The following DOCK3 variants were observed in gnomAD, a reference collection of about 807,000 sequenced individuals.
DOCK3 encodes dedicator of cytokinesis 3, also known as dedicator of cytokinesis protein 3.
In DOCK3, 60 loss-of-function variants were observed where a neutral mutation model predicts 265.6. The ratio of observed to expected loss-of-function variants is 0.23; its 90% confidence interval spans 0.18 to 0.28. The LOEUF is 0.28. Among genes scored for constraint, DOCK3 ranks in the 10% least tolerant of loss-of-function variants. The probability of loss-of-function intolerance (pLI) is 1.00; values close to 1 mark genes in which losing one functional copy is unlikely to be tolerated. For synonymous variants in DOCK3, 881 were observed against 938.0 expected, an observed-to-expected ratio of 0.94 and a Z score of 1.11; for missense variants, 1,981 against 2,594.3, an observed-to-expected ratio of 0.76 and a Z score of 5.14.
chr3:50,731,515 C>G (rs184637815), intron 1 of DOCK3, among the ~76,000 whole-genome samples: 4 of 152,188 alleles, frequency 2.6e-5, no homozygotes, highest in African/African-American at 9.6e-5. Flanking sequence ...AATCTCTATA[C>G]CTTTTTCTTA....
chr3:51,321,997 C>T lies in DOCK3; in HGVS notation c.3402+6869C>T, dbSNP rs547143048. On this transcript the variant is annotated intron_variant, in intron 32 of 52. Coordinates refer to ENST00000266037, the MANE Select transcript of DOCK3 (RefSeq NM_004947.5). ...CAGAGAATGCCACAAATATACTCCT[C>T]GAGAAGAACAACCCCAAGACATATA... 2.6e-4 allele frequency among the ~76,000 whole-genome samples: 40 copies of T among 152,156 alleles called. No homozygotes were observed. In the East Asian group the frequency reaches 6.8e-3, roughly 26 times the overall value.
chr3:50,719,412 G>C, intron 1 of DOCK3: 1 of 581,106 alleles, frequency 1.7e-6, no homozygotes, highest in Non-Finnish European at 3.1e-6. Flanking sequence ...AGCAAATGGA[G>C]TGGAGGGGTG....
intron 1 of DOCK3, among the ~76,000 whole-genome samples, chr3:50,703,456 ATTGGTCC>A (rs1202465726): frequency 2.0e-5 from 3 of 151,878 alleles, no homozygotes; most frequent in African/African-American, 7.3e-5. Context: ...CAGTAAAGCC[ATTGGTCC>A]TTTTTCTTTT....
At chr3:51,257,851 C>G (rs2079634551) in intron 22 of DOCK3, among the ~76,000 whole-genome samples, 1 of 152,164 alleles carries the variant, frequency 6.6e-6, no homozygotes, top group African/African-American at 2.4e-5. Flanking sequence ...CTCCTCTGCC[C>G]CGCTCTCCTT....
At chr3:50,746,872 C>T (rs916914331) in intron 1 of DOCK3, among the ~76,000 whole-genome samples, 1 of 152,102 alleles carries the variant, frequency 6.6e-6, no homozygotes, top group East Asian at 1.9e-4. Flanking sequence ...CCAAACACCT[C>T]CTACCAGGCC....
intron 1 of DOCK3, among the ~76,000 whole-genome samples, chr3:50,682,601 C>A (rs1559508105): frequency 6.6e-6 from 1 of 152,138 alleles, no homozygotes; most frequent in East Asian, 1.9e-4. Flanking sequence ...AGACTAATGT[C>A]TTTCCAACTT....
intron 5 of DOCK3, among the ~76,000 whole-genome samples, chr3:51,032,836 C>T (rs1240858895): frequency 2.0e-5 from 3 of 152,044 alleles, no homozygotes; most frequent in Non-Finnish European, 2.9e-5. Flanking sequence ...TGCTTGAGCC[C>T]AGGACTTTGA....
intron 5 of DOCK3, among the ~76,000 whole-genome samples, chr3:50,965,034 A>G (rs1466873992): frequency 6.6e-6 from 1 of 152,128 alleles, no homozygotes; most frequent in Non-Finnish European, 1.5e-5. Flanking sequence ...ATGTATTACT[A>G]GAAGACCTGA....
At chr3:51,004,570 T>G (rs1030494822) in intron 5 of DOCK3, among the ~76,000 whole-genome samples, 2 of 152,126 alleles carry the variant, frequency 1.3e-5, no homozygotes, top group African/African-American at 4.8e-5. Flanking sequence ...TTTATGAAAC[T>G]TTGGAACCAT....
chr3:50,823,290 G>T (rs550637290), intron 2 of DOCK3, among the ~76,000 whole-genome samples: 1 of 152,288 alleles, frequency 6.6e-6, no homozygotes, highest in South Asian at 2.1e-4. Flanking sequence ...GTTTTCCTAG[G>T]CAGAGGACCC....
At chr3:51,069,551 T>C (rs1416928846) in intron 6 of DOCK3, among the ~76,000 whole-genome samples, 1 of 151,350 alleles carries the variant, frequency 6.6e-6, no homozygotes, top group African/African-American at 2.5e-5. Context: ...TGTGTGTATA[T>C]ATGTGTGTAT....
At chr3:51,229,655 G>A in intron 19 of DOCK3, 46 bp downstream of exon 19, 2 of 1,421,926 alleles carry the variant, frequency 1.4e-6, no homozygotes. Flanking sequence ...GGAAGAATCT[G>A]GGCAGAAGAC....
At chr3:50,786,433 A>G (rs567788594) in intron 2 of DOCK3, among the ~76,000 whole-genome samples, 1 of 152,266 alleles carries the variant, frequency 6.6e-6, no homozygotes, top group South Asian at 2.1e-4. Flanking sequence ...TGTTTCAGTG[A>G]CAACCACAGA....
intron 4 of DOCK3, among the ~76,000 whole-genome samples, chr3:50,905,341 A>G (rs1358835872): frequency 6.6e-6 from 1 of 151,444 alleles, no homozygotes; most frequent in Admixed American, 6.6e-5. Flanking sequence ...GAATCTATAA[A>G]TTACCTTGGG....
intron 21 of DOCK3, among the ~76,000 whole-genome samples, chr3:51,239,416 G>T (rs563214126): frequency 6.6e-6 from 1 of 151,810 alleles, no homozygotes; most frequent in Non-Finnish European, 1.5e-5. Flanking sequence ...CACCATGTTG[G>T]CCAGGCTGGT....
Position 50,698,517 on chromosome 3 carries a change from GTTTTTTTT to G in DOCK3, c.37+23235_37+23242del. 2.6e-3 allele frequency among the ~76,000 whole-genome samples: 51 copies of G among 19,520 alleles called. 3 individuals are homozygous for G. The highest frequency in any genetic ancestry group is 0.012 in the South Asian group (3 of 248). The allele number at this position is 19,520 out of a possible 152,430, so 12.8% of individuals were successfully genotyped here. ...GTTTCTCTGTGGATGTATGTTTTTG[GTTTTTTTT>G]TTTTTTTTTTTTTTTTTGCTATATA... is the stretch of plus-strand genomic sequence containing the variant. On this transcript the variant is annotated intron_variant, in intron 1 of 52. Coordinates refer to ENST00000266037, the MANE Select transcript of DOCK3 (RefSeq NM_004947.5).
intron 27 of DOCK3, among the ~76,000 whole-genome samples, chr3:51,292,398 A>G (rs1290556735): frequency 6.6e-6 from 1 of 152,210 alleles, no homozygotes; most frequent in East Asian, 1.9e-4. Context: ...GAACTGAAAA[A>G]CAGATTCAGT....
intron 12 of DOCK3, among the ~76,000 whole-genome samples, chr3:51,185,731 T>C (rs1028275070): frequency 3.9e-5 from 6 of 152,164 alleles, no homozygotes. Context: ...CATGCTGTTC[T>C]CATGATAGTG....
At chr3:50,907,575 C>T (rs914692572) in intron 4 of DOCK3, among the ~76,000 whole-genome samples, 1 of 151,956 alleles carries the variant, frequency 6.6e-6, no homozygotes, top group African/African-American at 2.4e-5. Flanking sequence ...AGGATTGCAA[C>T]CCCTGCCTTT....
Sources: gnomAD v4.1 joint callset for allele counts (sites outside exome capture counted in the v4.1 genomes callset) on GRCh38, gnomAD v4.1.1 for gene constraint, MANE v1.5 for transcripts, NCBI Gene and HGNC (gene_info 2026-07-23, HGNC 2026-07-21) for gene names.